The following MAF variants were observed in gnomAD, a reference collection of about 807,000 sequenced individuals.
The protein encoded by MAF is MAF bZIP transcription factor.
A neutral mutation model predicts 22.0 loss-of-function variants in MAF; 10 were observed. The observed-to-expected ratio is 0.45, with a 90% confidence interval of 0.28 to 0.77. MAF has a LOEUF of 0.77. Ranked by LOEUF, MAF falls within the 30% of genes least tolerant of loss-of-function variation. MAF has a pLI of 0.12. For synonymous variants in MAF, 337 were observed against 255.8 expected, an observed-to-expected ratio of 1.32 and a Z score of -3.03; for missense variants, 544 against 548.4, an observed-to-expected ratio of 0.99 and a Z score of 0.08.
At chr16:79,407,279 T>A in the MAF span, among the ~76,000 whole-genome samples, 3 of 152,156 alleles carry the variant, frequency 2.0e-5, no homozygotes, top group Non-Finnish European at 4.4e-5. Flanking sequence ...GACAGGGGCC[T>A]CTTGGCTAGC....
At chr16:79,402,507 C>T in the MAF span, among the ~76,000 whole-genome samples, 1 of 152,228 alleles carries the variant, frequency 6.6e-6, no homozygotes, top group African/African-American at 2.4e-5. Flanking sequence ...CTGGAAAACA[C>T]TGGGCCAGTG....
the MAF span, among the ~76,000 whole-genome samples, chr16:79,289,206 T>A: frequency 1.3e-5 from 2 of 151,972 alleles, no homozygotes; most frequent in East Asian, 3.9e-4. Context: ...AGTGGCACGG[T>A]GTGACTGGTG....
chr16:79,322,107 C>T, the MAF span, among the ~76,000 whole-genome samples: 1 of 152,084 alleles, frequency 6.6e-6, no homozygotes, highest in Non-Finnish European at 1.5e-5. Flanking sequence ...TAGCACATGC[C>T]TGTAATCCCA....
the MAF span, among the ~76,000 whole-genome samples, chr16:79,331,722 C>A: frequency 2.6e-5 from 4 of 152,184 alleles, no homozygotes; most frequent in Non-Finnish European, 2.9e-5. Context: ...TATGGCTCCA[C>A]ATTTCCAGTG....
chr16:79,337,536 C>G, the MAF span, among the ~76,000 whole-genome samples: 3 of 151,396 alleles, frequency 2.0e-5, no homozygotes, highest in African/African-American at 7.3e-5. Context: ...CCACTACACT[C>G]CAGCCTGGAT....
the MAF span, among the ~76,000 whole-genome samples, chr16:79,383,175 G>A: frequency 6.6e-6 from 1 of 152,138 alleles, no homozygotes; most frequent in African/African-American, 2.4e-5. Flanking sequence ...AGAAAGAAAT[G>A]CTCAGACTGG....
At chr16:79,246,812 G>T in the MAF span, among the ~76,000 whole-genome samples, 1 of 151,442 alleles carries the variant, frequency 6.6e-6, no homozygotes, top group African/African-American at 2.4e-5. Flanking sequence ...GTTGGAAATT[G>T]TTTGTGTCCA....
At chr16:79,256,836 A>G in the MAF span, among the ~76,000 whole-genome samples, 1 of 152,124 alleles carries the variant, frequency 6.6e-6, no homozygotes, top group Admixed American at 6.6e-5. Flanking sequence ...TAGGCATGGG[A>G]TCAAATGTCA....
chr16:79,349,164 A>C, the MAF span, among the ~76,000 whole-genome samples: 1 of 152,238 alleles, frequency 6.6e-6, no homozygotes, highest in African/African-American at 2.4e-5. Context: ...GGAGGCTCAG[A>C]GACGTCCTCT....
chr16:79,442,846 C>T, the MAF span, among the ~76,000 whole-genome samples: 1 of 152,216 alleles, frequency 6.6e-6, no homozygotes, highest in Admixed American at 6.5e-5. Context: ...GTAAACCACA[C>T]CCAACAGATC....
chr16:79,402,961 C>T, the MAF span, among the ~76,000 whole-genome samples: 29 of 152,234 alleles, frequency 1.9e-4, no homozygotes, highest in East Asian at 5.6e-3. Flanking sequence ...AGTCCTTGCC[C>T]ACCCATGGTT....
the MAF span, among the ~76,000 whole-genome samples, chr16:79,232,754 A>G: frequency 3.3e-5 from 5 of 151,838 alleles, 1 homozygote; most frequent in Non-Finnish European, 5.9e-5. Flanking sequence ...TGGATTTGAT[A>G]GGATTAGATA....
chr16:79,328,425 G>C, the MAF span, among the ~76,000 whole-genome samples: 1 of 152,156 alleles, frequency 6.6e-6, no homozygotes, highest in African/African-American at 2.4e-5. Flanking sequence ...AGGAGAATTT[G>C]AAATCCCCAC....
At chr16:79,497,213 T>C in the MAF span, among the ~76,000 whole-genome samples, 1 of 152,104 alleles carries the variant, frequency 6.6e-6, no homozygotes, top group East Asian at 1.9e-4. Context: ...TCTCCTTGCC[T>C]CCGAATCCTC....
the MAF span, among the ~76,000 whole-genome samples, chr16:79,250,908 G>A: frequency 6.6e-6 from 1 of 152,116 alleles, no homozygotes; most frequent in Non-Finnish European, 1.5e-5. Flanking sequence ...CAAGCAGACT[G>A]GACAAGTGGT....
chr16:79,270,559 A>C, the MAF span, among the ~76,000 whole-genome samples: 1 of 152,210 alleles, frequency 6.6e-6, no homozygotes, highest in Non-Finnish European at 1.5e-5. Context: ...GGAAAGATTT[A>C]GTCTTAGCCC....
the MAF span, among the ~76,000 whole-genome samples, chr16:79,352,309 C>T: frequency 6.6e-6 from 1 of 152,116 alleles, no homozygotes; most frequent in Admixed American, 6.5e-5. Context: ...ACGTATTCCA[C>T]GTCTTCTATA....
At chr16:79,209,273 A>T in the MAF span, among the ~76,000 whole-genome samples, 1 of 152,232 alleles carries the variant, frequency 6.6e-6, no homozygotes, top group African/African-American at 2.4e-5. Context: ...CAACAATGGC[A>T]TTCTGAATCA....
the MAF span, among the ~76,000 whole-genome samples, chr16:79,405,342 G>C: frequency 6.6e-6 from 1 of 152,172 alleles, no homozygotes; most frequent in African/African-American, 2.4e-5. Context: ...ACTGACCTGA[G>C]CCTCACAGAA....
Sources: allele counts gnomAD v4.1 joint callset (sites outside exome capture counted in the v4.1 genomes callset), GRCh38; gene constraint gnomAD v4.1.1; transcripts MANE v1.5; gene names NCBI Gene and HGNC (gene_info 2026-07-23, HGNC 2026-07-21).